TAF6: variants seen among roughly 807,000 people sequenced by gnomAD.
The protein encoded by TAF6 is transcription initiation factor TFIID subunit 6.
In TAF6, 50 loss-of-function variants were observed where a neutral mutation model predicts 73.5. The ratio of observed to expected loss-of-function variants is 0.68; its 90% CI spans 0.54 to 0.86. The LOEUF (loss-of-function observed/expected upper bound fraction) is 0.86, where lower values mean the gene tolerates loss of function less well. Among genes scored for constraint, TAF6 ranks in the 40% least tolerant of loss-of-function variants. The pLI, the probability that TAF6 is intolerant of heterozygous loss-of-function variation, is 0.00. For synonymous variants in TAF6, 424 were observed against 376.7 expected (o/e 1.13, Z -1.45); for missense variants, 768 against 899.5 (o/e 0.85, Z 1.87).
chr7:100,108,778 T>C, intron 12 of TAF6: 1 of 395,238 alleles, frequency 2.5e-6, no homozygotes, highest in Non-Finnish European at 4.5e-6. Context: ...ATCTTAGGCC[T>C]GTATCCCAGC....
At position 100,107,171 on chromosome 7, in the gene TAF6, C is replaced by G; in HGVS notation, c.*75G>C. 1 of 1,510,680 alleles carries G rather than the reference C, an allele frequency of 6.6e-7. No individual in the cohort carries two copies. The highest frequency in any genetic ancestry group is 8.8e-7 in the Non-Finnish European group (1 of 1,130,756). The allele number at this position is 1,510,680 out of a possible 1,614,324, so 93.6% of individuals were successfully genotyped here. On this transcript the variant is annotated 3_prime_UTR_variant, in exon 15 of 15. Coordinates refer to ENST00000453269, the MANE Select transcript of TAF6 (RefSeq NM_139315.3). ...CAATCTACAACTTCCTTCCGCTTAG[C>G]GAGCATGCATGTGTGTACGTGCACG...
Position 100,107,786 on chromosome 7 carries a change from C to T in TAF6, c.1656+140G>A, listed in dbSNP as rs113014825. 12 of 1,378,080 alleles carry T rather than the reference C, an allele frequency of 8.7e-6. No homozygotes were observed. In the African/African-American group the frequency reaches 1.0e-4, roughly 12 times the overall value. 85.4% of individuals were successfully genotyped at this position (1,378,080 alleles called of 1,614,324 possible). On this transcript the variant is annotated intron_variant, in intron 14 of 14. Transcript: ENST00000453269. ...CTTGTTCATGCAGGGCAGCTACAGCCCTGCAGGACCCTGGTGGGCGCCTCT... is the reference window on the plus strand; with the variant it reads ...CTTGTTCATGCAGGGCAGCTACAGCTCTGCAGGACCCTGGTGGGCGCCTCT...
upstream of TAF6, among the ~76,000 whole-genome samples, chr7:100,121,847 G>A (rs1335327830): frequency 1.3e-5 from 2 of 151,368 alleles, no homozygotes; most frequent in South Asian, 4.2e-4. Flanking sequence ...TCAGCTGATC[G>A]AGACCATCCT....
At chr7:100,123,439 G>A (rs1798124712), upstream of TAF6, among the ~76,000 whole-genome samples, 1 of 152,116 alleles carries the variant, frequency 6.6e-6, no homozygotes, top group Admixed American at 6.6e-5. Flanking sequence ...GAGTCTGAGG[G>A]AGAAGGACTG....
rs1415056476 is a variant in TAF6, at chr7:100,112,251, T to C, written c.577A>G (p.Lys193Glu). 2 of 1,611,294 alleles carry C rather than the reference T, an allele frequency of 1.2e-6. No individual in the cohort carries two copies. The highest frequency in any genetic ancestry group is 1.7e-5 in the Admixed American group (1 of 59,250). Residue 193 changes from lysine (K) to glutamate (E), a missense_variant and splice_region_variant, in exon 7 of 15, where the codon AAA (lysine) becomes GAA (glutamate). This residue lies in a region of TAF6 where 269 missense variants were observed against 268.0 expected (regional missense o/e 1.00). Transcript: ENST00000453269. ...AGCAAGGGCGGCGCCTTCTTCTCTTTCCCTGTGTGATTGGAAAGGTGGGTC... is the reference window on the plus strand; with the variant it reads ...AGCAAGGGCGGCGCCTTCTTCTCTTCCCCTGTGTGATTGGAAAGGTGGGTC... ...QGATTADGKG[K>E]EKKAPPLLEG...
upstream of TAF6, chr7:100,122,049 G>GAAAA (rs111511573): frequency 8.0e-4 from 250 of 313,748 alleles, no homozygotes; most frequent in East Asian, 1.6e-3. Flanking sequence ...GAGTCCGTCT[G>GAAAA]AAAAAAAAAA....
At chr7:100,108,176 T>C (rs1240398430) in intron 13 of TAF6, 53 bp from the exon 14 acceptor site, 1 of 1,536,114 alleles carries the variant, frequency 6.5e-7, no homozygotes, top group African/African-American at 1.4e-5. Flanking sequence ...AGAAGAGGAG[T>C]CTGAAGGGAG....
intron 5 of TAF6, 84 bp downstream of exon 5, chr7:100,113,265 A>T: frequency 7.7e-7 from 1 of 1,306,890 alleles, no homozygotes; most frequent in Non-Finnish European, 1.0e-6. Context: ...CACAGGCAAC[A>T]GAGTGAGACT....
upstream of TAF6, chr7:100,119,497 T>C (rs1380843590): frequency 4.4e-6 from 6 of 1,352,444 alleles, no homozygotes; most frequent in East Asian, 1.0e-4. Context: ...GAGCACTCCC[T>C]CTTGGTGTAA....
intron 12 of TAF6, chr7:100,109,022 GA>G (rs1243805008): frequency 2.6e-3 from 343 of 131,404 alleles, no homozygotes; most frequent in Admixed American, 8.1e-3. Flanking sequence ...GACTGTCTCA[GA>G]AAAAAAAAAA....
Position 100,113,740 on chromosome 7 carries a change from G to A in TAF6, c.273C>T (p.Phe91=), listed in dbSNP as rs770844172. The part of the protein sequence containing the change: ...EPLYGFHAQE[F]IPFRFASGGG... ...CACCAGAGGCGAAGCGGAAAGGAAT[G>A]AACTCCTGGGCGTGGAAGCCATAGA... is the stretch of plus-strand genomic sequence containing the variant. The change falls in exon 4 of 15, where the codon TTC becomes TTT. Residue 91 remains phenylalanine, a synonymous_variant. Transcript: ENST00000453269. 1.9e-6 allele frequency: 3 copies of A among 1,613,996 alleles called. No individual in the cohort carries two copies. In the Admixed American group the frequency reaches 5.0e-5, roughly 27 times the overall value.
At chr7:100,114,973 C>G (rs968882471) in intron 1 of TAF6, among the ~76,000 whole-genome samples, 1 of 152,122 alleles carries the variant, frequency 6.6e-6, no homozygotes, top group African/African-American at 2.4e-5. Flanking sequence ...CCTCACACCT[C>G]AGCCTCCCAA....
At position 100,107,626 on chromosome 7, in the gene TAF6, G is replaced by A; in HGVS notation, c.1657-3C>T. The A allele has an allele frequency of 2.5e-6, 4 of 1,610,180 alleles. No homozygotes were observed. Among genetic ancestry groups the A allele is most frequent in the Non-Finnish European group, 3.4e-6 (4 of 1,178,786 alleles). On this transcript the variant is annotated splice_region_variant and splice_polypyrimidine_tract_variant and intron_variant, in intron 14 of 14. Coordinates refer to ENST00000453269, the MANE Select transcript of TAF6 (RefSeq NM_139315.3). ...GCCGAGGTGCTGAGGGACAGGACCT[G>A]GATAGAAAGGAAAGGCAGGCCGCTT...
At chr7:100,112,523 C>G (rs1429407556) in intron 6 of TAF6, among the ~76,000 whole-genome samples, 1 of 151,898 alleles carries the variant, frequency 6.6e-6, no homozygotes, top group African/African-American at 2.4e-5. Flanking sequence ...CCAGCCTGGC[C>G]AACATAGCAA....
At chr7:100,115,046 A>T (rs1222383036) in intron 1 of TAF6, among the ~76,000 whole-genome samples, 1 of 152,096 alleles carries the variant, frequency 6.6e-6, no homozygotes, top group Non-Finnish European at 1.5e-5. Flanking sequence ...GCAGGGGCAG[A>T]GACAGAGTCT....
Position 100,113,855 on chromosome 7 carries a change from C to T in TAF6, c.243+13G>A. ...GGCGTCTCACCCCCCCCCCGCCTGTCTCCCCAAATCACCTCGACATTCTTT... is the reference window on the plus strand; with the variant it reads ...GGCGTCTCACCCCCCCCCCGCCTGTTTCCCCAAATCACCTCGACATTCTTT... On this transcript the variant is annotated intron_variant, in intron 3 of 14. Coordinates refer to ENST00000453269, the MANE Select transcript of TAF6 (RefSeq NM_139315.3). The T allele has an allele frequency of 6.2e-7, 1 of 1,607,030 alleles. No homozygotes were observed.
chr7:100,119,928 C>G (rs1185200764), upstream of TAF6: 2 of 1,455,434 alleles, frequency 1.4e-6, no homozygotes, highest in South Asian at 2.6e-5. Context: ...GGCCGGACAT[C>G]CTAGCCTGTA....
chr7:100,114,387 G>A (rs1468712190), intron 1 of TAF6, 119 bp from the exon 2 acceptor site: 9 of 1,020,412 alleles, frequency 8.8e-6, no homozygotes, highest in Admixed American at 2.0e-5. Context: ...CCATCCCCAC[G>A]TGAGTCAGCC....
At chr7:100,109,510 T>C (rs958423324) in intron 12 of TAF6, among the ~76,000 whole-genome samples, 5 of 151,932 alleles carry the variant, frequency 3.3e-5, no homozygotes, top group African/African-American at 1.2e-4. Flanking sequence ...CCCTTCTTTT[T>C]TGGGGGGCGG....
Sources: gnomAD v4.1 joint callset for allele counts (sites outside exome capture counted in the v4.1 genomes callset) on GRCh38, gnomAD v4.1.1 for gene constraint, gnomAD v4.1.1 regional missense constraint, MANE v1.5 for transcripts, NCBI Gene and HGNC (gene_info 2026-07-23, HGNC 2026-07-21) for gene names.